CSMD2: variants seen among roughly 807,000 people sequenced by gnomAD.
The protein encoded by CSMD2 is CUB and sushi domain-containing protein 2.
Under a neutral mutation model 398.5 loss-of-function variants are expected in CSMD2, and 130 were observed. That is an observed-to-expected ratio of 0.33 (90% CI 0.28 to 0.38). The LOEUF (loss-of-function observed/expected upper bound fraction) is 0.38. Among genes scored for constraint, CSMD2 ranks in the 10% least tolerant of loss-of-function variants. The pLI is 1.00. For synonymous variants in CSMD2, 1,828 were observed against 1,908.5 expected (o/e 0.96, Z 1.10); for missense variants, 3,829 against 4,764.9 (o/e 0.80, Z 5.78).
chr1:33,759,314 C>CT (rs1208743357), intron 13 of CSMD2, among the ~76,000 whole-genome samples: 9 of 107,734 alleles, frequency 8.4e-5, no homozygotes, highest in Non-Finnish European at 1.3e-4. Context: ...AGTTTCTTTT[C>CT]TTTTTTTTTC....
rs149067438 is a variant in CSMD2 at position 33,577,546 on chromosome 1, T to C, written c.7388-62A>G. 3 of 1,435,948 alleles carry C rather than the reference T, an allele frequency of 2.1e-6. No homozygotes were observed. The South Asian group carries it at 3.9e-5, about 19-fold the overall frequency. The allele number at this position is 1,435,948 out of a possible 1,614,324, so 89.0% of individuals were successfully genotyped here. ...GCAGGAAGACAGACATGGTCTTTCA[T>C]GCAGGCCCCTTTCCCTTTCGTCTCC... On this transcript the variant is annotated intron_variant, in intron 48 of 70. Coordinates refer to ENST00000373381, the MANE Select transcript of CSMD2 (RefSeq NM_001281956.2).
At chr1:33,561,014 G>A (rs1186138025) in intron 53 of CSMD2, among the ~76,000 whole-genome samples, 2 of 152,254 alleles carry the variant, frequency 1.3e-5, no homozygotes, top group South Asian at 2.1e-4. Context: ...CAGGCCTCTC[G>A]CTTTGTTCTG....
intron 33 of CSMD2, among the ~76,000 whole-genome samples, 176 bp from the exon 34 acceptor site, chr1:33,625,430 A>G (rs1642054526): frequency 1.3e-5 from 2 of 152,192 alleles, no homozygotes; most frequent in African/African-American, 4.8e-5. Context: ...ATACCGAATT[A>G]TAGTTGGACA....
chr1:33,739,058 C>A, intron 15 of CSMD2, 82 bp downstream of exon 15: 2 of 1,373,282 alleles, frequency 1.5e-6, no homozygotes, highest in Non-Finnish European at 9.9e-7. Context: ...AGAAAGGAAC[C>A]ACCATGGCCT....
intron 5 of CSMD2, among the ~76,000 whole-genome samples, chr1:33,900,922 C>CA (rs1242326804): frequency 6.6e-6 from 1 of 152,158 alleles, no homozygotes; most frequent in African/African-American, 2.4e-5. Context: ...GATAGAGACT[C>CA]AAAGAGGACA....
chr1:33,709,391 G>T (rs1645909299), intron 21 of CSMD2, 133 bp from the exon 22 acceptor site: 12 of 703,086 alleles, frequency 1.7e-5, no homozygotes, highest in Non-Finnish European at 2.6e-5. Flanking sequence ...CTGCGTGTCT[G>T]TCCAGTTGTT....
intron 10 of CSMD2, among the ~76,000 whole-genome samples, chr1:33,807,218 T>C (rs1656330645): frequency 6.6e-6 from 1 of 152,172 alleles, no homozygotes; most frequent in South Asian, 2.1e-4. Flanking sequence ...GATAATCAAA[T>C]GTCCAGTGAA....
At chr1:33,728,675 C>T (rs1646623360) in intron 15 of CSMD2, among the ~76,000 whole-genome samples, 1 of 152,174 alleles carries the variant, frequency 6.6e-6, no homozygotes, top group African/African-American at 2.4e-5. Flanking sequence ...AGTGCTACAA[C>T]CACAGCCAAC....
chr1:34,142,013 G>A (rs1328922808), intron 1 of CSMD2, among the ~76,000 whole-genome samples: 1 of 152,124 alleles, frequency 6.6e-6, no homozygotes, highest in Non-Finnish European at 1.5e-5. Context: ...ACGTTGCACG[G>A]TGACTGCTCT....
chr1:33,714,444 C>T (rs1463021121), intron 21 of CSMD2, 143 bp downstream of exon 21: 4 of 952,340 alleles, frequency 4.2e-6, no homozygotes, highest in Admixed American at 2.3e-5. Flanking sequence ...AGGTTACCTG[C>T]CCCGGGTCCC....
chr1:33,817,776 A>G (rs1416528591), intron 9 of CSMD2, among the ~76,000 whole-genome samples: 3 of 152,238 alleles, frequency 2.0e-5, no homozygotes, highest in African/African-American at 4.8e-5. Flanking sequence ...GAAAAAAGAG[A>G]TTCAGAGAGG....
intron 13 of CSMD2, among the ~76,000 whole-genome samples, chr1:33,759,176 C>T (rs944474198): frequency 2.6e-5 from 4 of 151,988 alleles, no homozygotes; most frequent in Admixed American, 2.0e-4. Context: ...TGGAGCCAGT[C>T]TTGTGAGGGA....
At position 33,725,302 on chromosome 1, in the gene CSMD2, C is replaced by G. The variant is rs12046855; in HGVS notation, c.2695+47G>C. 3.3e-4 allele frequency: 514 copies of G among 1,560,664 alleles called. 4 individuals are homozygous for G. The East Asian group carries it at 0.01, about 31-fold the overall frequency. On this transcript the variant is annotated intron_variant, in intron 17 of 70. Coordinates refer to ENST00000373381, the MANE Select transcript of CSMD2 (RefSeq NM_001281956.2). ...GCACAGTCCTGAGGCCTTTGACCCA[C>G]CTGGGCTGACCTTGTCATCCCTTTT...
chr1:34,011,282 C>T (rs887471868), intron 3 of CSMD2, among the ~76,000 whole-genome samples: 2 of 152,164 alleles, frequency 1.3e-5, no homozygotes, highest in African/African-American at 4.8e-5. Context: ...AGTCTAATAA[C>T]TCTTTCTAAT....
intron 21 of CSMD2, among the ~76,000 whole-genome samples, chr1:33,711,315 T>C (rs1048274827): frequency 3.9e-5 from 6 of 152,216 alleles, no homozygotes; most frequent in South Asian, 2.1e-4. Flanking sequence ...CCCCTCCATC[T>C]AGGCAGAGGC....
chr1:33,594,863 T>C (rs1440511032), intron 44 of CSMD2, among the ~76,000 whole-genome samples: 2 of 152,238 alleles, frequency 1.3e-5, no homozygotes, highest in African/African-American at 4.8e-5. Context: ...AATAAAAGTT[T>C]TAATTTGGAG....
chr1:33,522,285 C>T (rs1260976744), intron 67 of CSMD2, among the ~76,000 whole-genome samples: 16 of 152,198 alleles, frequency 1.1e-4, no homozygotes, highest in Non-Finnish European at 2.4e-4. Flanking sequence ...AGGCTCGACG[C>T]TTGTCTGGCG....
chr1:33,852,964 T>C (rs1208508700), intron 5 of CSMD2, among the ~76,000 whole-genome samples: 1 of 152,180 alleles, frequency 6.6e-6, no homozygotes, highest in Non-Finnish European at 1.5e-5. Flanking sequence ...TCTGGCTTCT[T>C]ACAGAAAAAA....
chr1:33,631,117 T>A (rs377052648), intron 32 of CSMD2, among the ~76,000 whole-genome samples: 8 of 150,736 alleles, frequency 5.3e-5, no homozygotes, highest in African/African-American at 1.5e-4. Flanking sequence ...GCAATAAAAA[T>A]TAAAAAAAAC....
Sources: gnomAD v4.1 joint callset for allele counts (sites outside exome capture counted in the v4.1 genomes callset) on GRCh38, gnomAD v4.1.1 for gene constraint, MANE v1.5 for transcripts, NCBI Gene and HGNC (gene_info 2026-07-23, HGNC 2026-07-21) for gene names.